Variants in EPB41L1 observed in about 807,000 individuals in gnomAD.
The protein encoded by EPB41L1 is band 4.1-like protein 1.
EPB41L1 carries 29 observed loss-of-function variants against 97.8 expected under a neutral mutation model. That is an observed-to-expected ratio of 0.30 (90% CI 0.22 to 0.40). EPB41L1 has a LOEUF of 0.40. Among genes scored for constraint, EPB41L1 ranks in the 10% least tolerant of loss-of-function variants. EPB41L1 has a pLI of 1.00. For synonymous variants in EPB41L1, 383 were observed against 459.2 expected (o/e 0.83, Z 2.12); for missense variants, 812 against 1,162.3 (o/e 0.70, Z 4.38).
Position 36,195,743 on chromosome 20 carries a change from C to G in EPB41L1, c.1485+379C>G, listed in dbSNP as rs1215146232. Among the ~76,000 whole-genome samples the G allele has an allele frequency of 6.6e-6, 1 of 152,210 alleles. No homozygotes were observed. The highest frequency in any genetic ancestry group is 1.5e-5 in the Non-Finnish European group (1 of 68,042). On this transcript the variant is annotated intron_variant, in intron 13 of 21. Coordinates refer to ENST00000338074, the MANE Select transcript of EPB41L1 (RefSeq NM_012156.2). The surrounding 1 kb of genome is among the most constrained non-coding windows in gnomAD (Gnocchi z 4.6). Reference sequence around the variant, plus strand: ...CACATCTCCCCTGACCCACCCCTTCCCTAGATTCATCTCCTGCCCGACAGC... The same window carrying G: ...CACATCTCCCCTGACCCACCCCTTCGCTAGATTCATCTCCTGCCCGACAGC...
chr20:36,178,082 G>C, intron 4 of EPB41L1, 26 bp downstream of exon 4: 5 of 1,535,142 alleles, frequency 3.3e-6, no homozygotes, highest in Non-Finnish European at 4.5e-6. Flanking sequence ...AGCAGGGTGG[G>C]ACCTGCTCTT....
chr20:36,194,180 C>T, intron 11 of EPB41L1, 32 bp from the exon 12 acceptor site: 1 of 1,612,470 alleles, frequency 6.2e-7, no homozygotes, highest in East Asian at 2.2e-5. Flanking sequence ...AGGGGTCTCA[C>T]ATGGTTGCCT....
At chr20:36,200,183 G>A (rs186827954) in intron 14 of EPB41L1, among the ~76,000 whole-genome samples, 56 of 152,268 alleles carry the variant, frequency 3.7e-4, no homozygotes, top group Non-Finnish European at 5.9e-4. Flanking sequence ...TTTTTGAGCC[G>A]CATTGCCTAG....
intron 2 of EPB41L1, among the ~76,000 whole-genome samples, chr20:36,131,065 T>A (rs895477750): frequency 6.6e-6 from 1 of 151,250 alleles, no homozygotes; most frequent in Non-Finnish European, 1.5e-5. Context: ...AGCCTCTGCC[T>A]CCTGGGTTCA....
At chr20:36,175,518 C>G in intron 2 of EPB41L1, 33 bp from the exon 3 acceptor site, 1 of 1,614,018 alleles carries the variant, frequency 6.2e-7, no homozygotes, top group Non-Finnish European at 8.5e-7. Flanking sequence ...TTAAAACTCA[C>G]TGAGCAAACT....
At chr20:36,162,604 C>T (rs747527918) in intron 1 of EPB41L1, among the ~76,000 whole-genome samples, 4 of 152,178 alleles carry the variant, frequency 2.6e-5, no homozygotes, top group South Asian at 2.1e-4. Context: ...ACCCTGCTAA[C>T]GGGAGGTCTC....
chr20:36,197,565 A>G (rs1269603564), intron 13 of EPB41L1: 1 of 902,808 alleles, frequency 1.1e-6, no homozygotes, highest in Non-Finnish European at 1.3e-6. Context: ...GGCTTTGGGT[A>G]GAGGTTGGCT....
chr20:36,161,614 T>C (rs900288684), intron 1 of EPB41L1, among the ~76,000 whole-genome samples: 4 of 151,974 alleles, frequency 2.6e-5, no homozygotes, highest in Non-Finnish European at 5.9e-5. Context: ...TAGCTGGGAT[T>C]ACAGGCACGT....
rs2063004578 is a variant in EPB41L1 at position 36,209,424 on chromosome 20, G to T, written c.1669-64G>T. On this transcript the variant is annotated intron_variant, in intron 14 of 21. Transcript: ENST00000338074. The surrounding 1 kb of genome is among the most constrained non-coding windows in gnomAD (Gnocchi z 4.2). ...GATTTCTCCTGACATTCACCATCTT[G>T]ATTTCTCTTTCTCTCTCTCTCCCCA... The T allele has an allele frequency of 1.9e-6, 3 of 1,555,996 alleles. No homozygotes were observed. In the East Asian group the frequency reaches 6.9e-5, roughly 36 times the overall value.
chr20:36,141,810 A>G (rs999129989), intron 2 of EPB41L1, among the ~76,000 whole-genome samples: 1 of 152,194 alleles, frequency 6.6e-6, no homozygotes, highest in African/African-American at 2.4e-5. Context: ...ATACATACAT[A>G]TTTTATAGAA....
intron 1 of EPB41L1, among the ~76,000 whole-genome samples, chr20:36,095,129 G>A (rs1261614373): frequency 6.6e-6 from 1 of 152,062 alleles, no homozygotes; most frequent in Admixed American, 6.5e-5. Context: ...CCACCACCAC[G>A]CCCGACTAAT....
chr20:36,125,345 A>T, intron 2 of EPB41L1: 1 of 678,220 alleles, frequency 1.5e-6, no homozygotes, highest in Non-Finnish European at 2.7e-6. Context: ...TTTCTATTTG[A>T]GCCCCTCCCC....
chr20:36,175,130 C>G (rs2061171364), intron 2 of EPB41L1, among the ~76,000 whole-genome samples: 1 of 152,174 alleles, frequency 6.6e-6, no homozygotes. Flanking sequence ...TCTGGCCTTT[C>G]TCCTCTCCTT....
rs1346894971 is a variant in EPB41L1, at chr20:36,207,386, C to A, written c.1669-2102C>A. 1.6e-6 allele frequency: 2 copies of A among 1,289,454 alleles called. No individual in the cohort carries two copies. Among genetic ancestry groups the A allele is most frequent in the African/African-American group, 3.0e-5 (2 of 65,850 alleles). 79.9% of individuals were successfully genotyped at this position (1,289,454 alleles called of 1,614,324 possible). On this transcript the variant is annotated intron_variant, in intron 14 of 21. Transcript: ENST00000338074. This position sits in a 1 kb window ranked among gnomAD's most constrained non-coding sequence, Gnocchi z 4.9. ...CCTTCAGGGAAGCGAAGGGAGATGA[C>A]CTCTTTCCAGGCTGGGGACCAAGAG...
At chr20:36,146,245 C>T (rs2059826139) in intron 2 of EPB41L1, among the ~76,000 whole-genome samples, 1 of 152,168 alleles carries the variant, frequency 6.6e-6, no homozygotes. Flanking sequence ...TACTGTAGGT[C>T]CCTCCAGGTA....
At chr20:36,125,625 T>G in intron 2 of EPB41L1, 1 of 1,502,244 alleles carries the variant, frequency 6.7e-7, no homozygotes, top group Non-Finnish European at 8.9e-7. Flanking sequence ...GGCAGGAGTT[T>G]CCTGTGTGTG....
At position 36,175,466 on chromosome 20, in the gene EPB41L1, G is replaced by T. The variant is rs2061187466; in HGVS notation, c.178-85G>T. Reference sequence around the variant, plus strand: ...CATTCTGGGGTCTGTCTTGGCCCCAGATGCCTCTATATTGCTTCTTACTTA... The same window carrying T: ...CATTCTGGGGTCTGTCTTGGCCCCATATGCCTCTATATTGCTTCTTACTTA... On this transcript the variant is annotated intron_variant, in intron 2 of 21. Coordinates refer to ENST00000338074, the MANE Select transcript of EPB41L1 (RefSeq NM_012156.2). 2.6e-6 allele frequency: 4 copies of T among 1,533,806 alleles called. No homozygotes were observed. In the South Asian group the frequency reaches 3.4e-5, roughly 13 times the overall value.
intron 2 of EPB41L1, among the ~76,000 whole-genome samples, chr20:36,133,609 C>G (rs1805855305): frequency 6.6e-6 from 1 of 152,188 alleles, no homozygotes; most frequent in South Asian, 2.1e-4. Flanking sequence ...ATAATCCCAG[C>G]ACTTTGGGAG....
chr20:36,164,886 A>T (rs2060674029), intron 1 of EPB41L1, among the ~76,000 whole-genome samples: 1 of 151,980 alleles, frequency 6.6e-6, no homozygotes, highest in Non-Finnish European at 1.5e-5. Context: ...GGGTTTCACG[A>T]TATTGGTTAG....
Sources: gnomAD v4.1 joint callset for allele counts (sites outside exome capture counted in the v4.1 genomes callset) on GRCh38, gnomAD v4.1.1 for gene constraint, Gnocchi (gnomAD v3.1) non-coding constraint, MANE v1.5 for transcripts, NCBI Gene and HGNC (gene_info 2026-07-23, HGNC 2026-07-21) for gene names.